The following PPP1R12A variants were observed in gnomAD, a reference collection of about 807,000 sequenced individuals.
The protein encoded by PPP1R12A is myosin binding subunit.
A neutral mutation model predicts 139.6 loss-of-function variants in PPP1R12A; 19 were observed. The ratio of observed to expected loss-of-function variants is 0.14; its 90% confidence interval spans 0.09 to 0.20. PPP1R12A has a LOEUF of 0.20. PPP1R12A is among the 10% of genes least tolerant of loss of function. The pLI is 1.00. For missense variants in PPP1R12A, 925 were observed against 1,211.5 expected (o/e 0.76, Z 3.51); for synonymous variants, 427 against 420.6 (o/e 1.02, Z -0.19).
At chr12:79,913,491 T>C (rs1592822084) in intron 1 of PPP1R12A, among the ~76,000 whole-genome samples, 1 of 152,296 alleles carries the variant, frequency 6.6e-6, no homozygotes, top group Non-Finnish European at 1.5e-5. Context: ...AGTGTCCATA[T>C]CTGTCTGGAT....
intron 9 of PPP1R12A, among the ~76,000 whole-genome samples, chr12:79,815,326 C>T (rs1299369929): frequency 2.0e-5 from 3 of 151,904 alleles, no homozygotes; most frequent in Admixed American, 6.6e-5. Flanking sequence ...GTCAGGAGTT[C>T]GAGAATACCC....
In PPP1R12A at chr12:79,820,860, T is replaced by A; in HGVS notation, c.1028A>T (p.Asp343Val). ...ATCCTTCTTTCCTTCTTCTTCTTCA[T>A]CAACCTTTTCTTGTTCCAGAGATTC... ...RIESLEQEKV[D>V]EEEEGKKDES... The change falls in exon 8 of 25, where the codon GAT (aspartate) becomes GTT (valine). Residue 343 changes from aspartate to valine, a missense_variant. Around this residue, in one of 4 missense-constraint regions of PPP1R12A, gnomAD observed 403 missense variants for 463.7 expected, o/e 0.87. Transcript: ENST00000450142. 1 of 1,613,676 alleles carries A rather than the reference T, an allele frequency of 6.2e-7. No individual in the cohort carries two copies.
chr12:79,873,705 T>C (rs1882811370), intron 1 of PPP1R12A, among the ~76,000 whole-genome samples: 1 of 152,220 alleles, frequency 6.6e-6, no homozygotes, highest in Non-Finnish European at 1.5e-5. Context: ...TTCACTCATA[T>C]ATGTCTTTGA....
intron 2 of PPP1R12A, among the ~76,000 whole-genome samples, chr12:79,860,259 T>C (rs1363239759): frequency 1.3e-5 from 2 of 152,220 alleles, no homozygotes; most frequent in East Asian, 1.9e-4. Flanking sequence ...TTCTTATTCA[T>C]ATACAAAATA....
chr12:79,935,356 G>C, upstream of PPP1R12A: 1 of 1,005,894 alleles, frequency 9.9e-7, no homozygotes, highest in Non-Finnish European at 1.2e-6. Context: ...GACAGACCTG[G>C]AAAGGAGGAA....
intron 1 of PPP1R12A, among the ~76,000 whole-genome samples, chr12:79,926,248 T>C (rs1405421497): frequency 6.6e-6 from 1 of 152,228 alleles, no homozygotes; most frequent in African/African-American, 2.4e-5. Context: ...TGAAGAGGCA[T>C]GATCTCAGTT....
chr12:79,815,827 C>T (rs923062256), intron 9 of PPP1R12A, among the ~76,000 whole-genome samples: 1 of 152,078 alleles, frequency 6.6e-6, no homozygotes. Flanking sequence ...TCAAGAAGCC[C>T]TCAGTTTTGG....
At chr12:79,796,998 A>T (rs758464493) in intron 16 of PPP1R12A, 48 bp from the exon 17 acceptor site, 19 of 1,523,818 alleles carry the variant, frequency 1.2e-5, no homozygotes, top group Admixed American at 2.1e-5. Flanking sequence ...AAACACAATT[A>T]AAAACATAAA....
intron 2 of PPP1R12A, among the ~76,000 whole-genome samples, chr12:79,855,644 T>C (rs1880559394): frequency 6.6e-6 from 1 of 152,050 alleles, no homozygotes; most frequent in South Asian, 2.1e-4. Context: ...TTATGGATTA[T>C]GTAACACTCC....
chr12:79,929,508 G>T (rs1214286248), intron 1 of PPP1R12A, among the ~76,000 whole-genome samples: 1 of 152,210 alleles, frequency 6.6e-6, no homozygotes, highest in Non-Finnish European at 1.5e-5. Context: ...GCTCACACCT[G>T]TAATCCTAGC....
intron 2 of PPP1R12A, among the ~76,000 whole-genome samples, chr12:79,864,603 G>T (rs1881750917): frequency 6.6e-6 from 1 of 151,620 alleles, no homozygotes; most frequent in Admixed American, 6.6e-5. Flanking sequence ...AAAGAGAGAA[G>T]AATCCAATAG....
intron 5 of PPP1R12A, chr12:79,825,108 C>A (rs796512328): frequency 6.6e-6 from 1 of 152,072 alleles, no homozygotes. Context: ...CAAGGTCATA[C>A]AGGTCATTAA....
intron 2 of PPP1R12A, among the ~76,000 whole-genome samples, chr12:79,850,193 G>A (rs932625361): frequency 3.9e-5 from 6 of 152,126 alleles, no homozygotes; most frequent in African/African-American, 1.4e-4. Context: ...TAGAAACTCT[G>A]ATTTGATAAT....
At chr12:79,876,024 AG>A (rs1883067611) in intron 1 of PPP1R12A, among the ~76,000 whole-genome samples, 1 of 152,206 alleles carries the variant, frequency 6.6e-6, no homozygotes, top group Non-Finnish European at 1.5e-5. Flanking sequence ...AAGAAAGAGC[AG>A]TTTGGGGCTG....
chr12:79,859,187 AT>A (rs1170389529), intron 2 of PPP1R12A, among the ~76,000 whole-genome samples: 2 of 152,030 alleles, frequency 1.3e-5, no homozygotes, highest in Non-Finnish European at 2.9e-5. Flanking sequence ...TACAAAAAAA[AT>A]CAGCTGGGCA....
At chr12:79,855,955 G>A (rs1014488692) in intron 2 of PPP1R12A, among the ~76,000 whole-genome samples, 6 of 150,808 alleles carry the variant, frequency 4.0e-5, no homozygotes, top group Non-Finnish European at 7.4e-5. Flanking sequence ...CTTGGTAAAC[G>A]TTAGCTATTT....
chr12:79,794,118 A>G (rs1872216686), intron 18 of PPP1R12A, among the ~76,000 whole-genome samples, 190 bp from the exon 19 acceptor site: 1 of 152,078 alleles, frequency 6.6e-6, no homozygotes, highest in South Asian at 2.1e-4. Flanking sequence ...ATTTAGCTGA[A>G]AAAATGAATA....
chr12:79,845,466 G>T, intron 2 of PPP1R12A, 46 bp from the exon 3 acceptor site: 1 of 1,362,856 alleles, frequency 7.3e-7, no homozygotes, highest in Non-Finnish European at 1.0e-6. Context: ...TATTATCATT[G>T]AAATAAAACT....
chr12:79,888,151 C>T (rs1053723256), intron 1 of PPP1R12A, among the ~76,000 whole-genome samples: 1 of 152,054 alleles, frequency 6.6e-6, no homozygotes, highest in South Asian at 2.1e-4. Context: ...AGACCAGATA[C>T]CTGAATTCAC....
Sources: gnomAD v4.1 joint callset for allele counts (sites outside exome capture counted in the v4.1 genomes callset) on GRCh38, gnomAD v4.1.1 for gene constraint, gnomAD v4.1.1 regional missense constraint, MANE v1.5 for transcripts, NCBI Gene and HGNC (gene_info 2026-07-23, HGNC 2026-07-21) for gene names.